Variants in PAX2 observed in about 807,000 individuals in gnomAD.
The protein encoded by PAX2 is paired box 2, also known as paired box protein Pax-2.
In PAX2, 9 loss-of-function variants were observed where a neutral mutation model predicts 41.7. That is an observed-to-expected ratio of 0.22 (90% CI 0.13 to 0.38). The LOEUF is 0.38. Ranked by LOEUF, PAX2 falls within the 10% of genes least tolerant of loss-of-function variation. PAX2 has a pLI of 1.00. For synonymous variants in PAX2, 221 were observed against 212.7 expected (o/e 1.04, Z -0.34); for missense variants, 418 against 531.6 (o/e 0.79, Z 2.10).
In PAX2 at chr10:100,748,746, T is replaced by C. The variant is rs1186021200; in HGVS notation, c.44-1000T>C. On this transcript the variant is annotated intron_variant, in intron 1 of 9. Coordinates refer to ENST00000355243, the MANE Select transcript of PAX2 (RefSeq NM_000278.5). This position sits in a 1 kb window ranked among gnomAD's most constrained non-coding sequence, Gnocchi z 5.0. ...GGGTTGGAAACCCCGTGCCCTTCTC[T>C]TGGCCGAAAGAGCAAAAGCCCGAGC... 3 of 985,288 alleles carry C rather than the reference T, an allele frequency of 3.0e-6. No homozygotes were observed. Among genetic ancestry groups the C allele is most frequent in the East Asian group, 2.3e-4 (2 of 8,822 alleles). 61.0% of individuals were successfully genotyped at this position (985,288 alleles called of 1,614,324 possible).
chr10:100,779,440 A>T (rs1351522117), intron 3 of PAX2, 58 bp from the exon 4 acceptor site: 12 of 1,413,942 alleles, frequency 8.5e-6, no homozygotes, highest in Non-Finnish European at 1.2e-5. Context: ...GCTGGGCTGG[A>T]ATTGGCCGGG....
chr10:100,773,319 T>G (rs984579705), intron 3 of PAX2, among the ~76,000 whole-genome samples: 12 of 152,148 alleles, frequency 7.9e-5, no homozygotes, highest in African/African-American at 2.9e-4. Context: ...GAAGCATTGC[T>G]CCTAGAAAGC....
At position 100,827,843 on chromosome 10, in the gene PAX2, G is replaced by A. The variant is rs71496530; in HGVS notation, c.*224G>A. On this transcript the variant is annotated 3_prime_UTR_variant, in exon 10 of 10. Coordinates refer to ENST00000355243, the MANE Select transcript of PAX2 (RefSeq NM_000278.5). This position sits in a 1 kb window ranked among gnomAD's most constrained non-coding sequence, Gnocchi z 8.5. ...GGGCGGGACCCTCAGGCCCGGGCCC[G>A]CCGCCCCCAGCCCCGCCTGCCGCCC... The A allele has an allele frequency of 0.2, 122,894 of 616,876 alleles. 13,751 individuals carry two copies. The highest frequency in any genetic ancestry group is 0.31 in the Middle Eastern group (697 of 2,234). The allele number at this position is 616,876 out of a possible 1,614,324, so 38.2% of individuals were successfully genotyped here.
Position 100,806,722 on chromosome 10 carries a change from G to A in PAX2, c.792+117G>A, listed in dbSNP as rs1027960599. On this transcript the variant is annotated intron_variant, in intron 6 of 9. Coordinates refer to ENST00000355243, the MANE Select transcript of PAX2 (RefSeq NM_000278.5). Reference sequence around the variant, plus strand: ...CCAGCATTGTATGTGTTACACACGTGTGTTCTGTGTGTGTGCAGTGTGAAC... The same window carrying A: ...CCAGCATTGTATGTGTTACACACGTATGTTCTGTGTGTGTGCAGTGTGAAC... 4 of 875,906 alleles carry A rather than the reference G, an allele frequency of 4.6e-6. No individual in the cohort carries two copies. The African/African-American group carries it at 6.5e-5, about 14-fold the overall frequency. The allele number at this position is 875,906 out of a possible 1,614,324, so 54.3% of individuals were successfully genotyped here. A position where few individuals can be genotyped will look rare whatever the true frequency, so the allele number is the denominator to read the frequency against.
chr10:100,802,778 G>A (rs941690007), intron 5 of PAX2, among the ~76,000 whole-genome samples: 1 of 152,130 alleles, frequency 6.6e-6, no homozygotes, highest in African/African-American at 2.4e-5. Flanking sequence ...GATCTTCTTT[G>A]AAATGGATGG....
intron 1 of PAX2, chr10:100,747,465 GA>G (rs1845231976): frequency 4.4e-6 from 1 of 227,850 alleles, no homozygotes; most frequent in Non-Finnish European, 7.1e-6. Flanking sequence ...ACTATTCTGA[GA>G]TTTTTTTTGC....
chr10:100,824,216 G>A lies in PAX2; in HGVS notation c.920-432G>A, dbSNP rs140694379. 1.3e-5 allele frequency among the ~76,000 whole-genome samples: 2 copies of A among 152,186 alleles called. No individual in the cohort carries two copies. Among genetic ancestry groups the A allele is most frequent in the Non-Finnish European group, 2.9e-5 (2 of 68,004 alleles). On this transcript the variant is annotated intron_variant, in intron 7 of 9. Coordinates refer to ENST00000355243, the MANE Select transcript of PAX2 (RefSeq NM_000278.5). The surrounding 1 kb of genome is among the most constrained non-coding windows in gnomAD (Gnocchi z 6.6). ...GGGGTGTTAGGGAGAGGAAAGATAA[G>A]CAAGATGATAGAGGTCCATTTGGCT...
At chr10:100,783,078 G>C (rs1485341906) in intron 5 of PAX2, among the ~76,000 whole-genome samples, 1 of 152,248 alleles carries the variant, frequency 6.6e-6, no homozygotes. Flanking sequence ...GGGCAAGAAA[G>C]GCTGGGGGTA....
chr10:100,783,190 A>G (rs1846703613), intron 5 of PAX2, among the ~76,000 whole-genome samples: 1 of 152,218 alleles, frequency 6.6e-6, no homozygotes, highest in South Asian at 2.1e-4. Context: ...GTTTCTAATC[A>G]ATTCAGTTCA....
At chr10:100,771,598 C>T (rs1164909490) in intron 3 of PAX2, among the ~76,000 whole-genome samples, 1 of 152,094 alleles carries the variant, frequency 6.6e-6, no homozygotes, top group East Asian at 1.9e-4. Flanking sequence ...GGAGTAGGGA[C>T]CATTTCCAGG....
chr10:100,757,731 G>C (rs1450268512), intron 3 of PAX2, among the ~76,000 whole-genome samples: 2 of 152,250 alleles, frequency 1.3e-5, no homozygotes, highest in Non-Finnish European at 2.9e-5. Flanking sequence ...GCATAGGGAA[G>C]AGGCTTACTG....
chr10:100,808,298 G>A (rs1327361653), intron 6 of PAX2, among the ~76,000 whole-genome samples: 2 of 152,138 alleles, frequency 1.3e-5, no homozygotes, highest in East Asian at 1.9e-4. Flanking sequence ...TGGAAATGAC[G>A]AGGCAATCCC....
chr10:100,778,837 A>G (rs1260587101), intron 3 of PAX2, among the ~76,000 whole-genome samples: 1 of 152,182 alleles, frequency 6.6e-6, no homozygotes, highest in Non-Finnish European at 1.5e-5. Flanking sequence ...CCAGCCAGCC[A>G]TATAGGAACA....
chr10:100,789,392 G>C (rs961518506), intron 5 of PAX2, among the ~76,000 whole-genome samples: 1 of 152,158 alleles, frequency 6.6e-6, no homozygotes, highest in African/African-American at 2.4e-5. Flanking sequence ...AGGCATGAGC[G>C]ACTGTGCCCA....
chr10:100,817,094 G>A (rs1165560464), intron 7 of PAX2, among the ~76,000 whole-genome samples: 1 of 152,154 alleles, frequency 6.6e-6, no homozygotes, highest in African/African-American at 2.4e-5. Context: ...CTCATGCTCT[G>A]AGCCCATCTT....
At position 100,752,761 on chromosome 10, in the gene PAX2, C is replaced by G. The variant is rs370874822; in HGVS notation, c.410+1870C>G. Among the ~76,000 whole-genome samples the G allele has an allele frequency of 7.9e-5, 12 of 152,082 alleles. No individual in the cohort carries two copies. The East Asian group carries it at 1.7e-3, about 22-fold the overall frequency. ...CAGGTGTGGTGGCCCCGTCCAACAC[C>G]CCCTGCCCCTCCCCTCAACAACATG... On this transcript the variant is annotated intron_variant, in intron 3 of 9. Transcript: ENST00000355243.
At chr10:100,802,238 C>A (rs1466344180) in intron 5 of PAX2, among the ~76,000 whole-genome samples, 3 of 152,182 alleles carry the variant, frequency 2.0e-5, no homozygotes, top group African/African-American at 7.2e-5. Context: ...CCTGAAAGCC[C>A]AGGACACATG....
At chr10:100,792,732 C>G (rs1420568779) in intron 5 of PAX2, among the ~76,000 whole-genome samples, 1 of 151,800 alleles carries the variant, frequency 6.6e-6, no homozygotes, top group African/African-American at 2.4e-5. Context: ...CCTCCCCCTC[C>G]CTCCCCTCTT....
In PAX2 at chr10:100,779,397, G is replaced by A. The variant is rs182764507; in HGVS notation, c.411-101G>A. The A allele has an allele frequency of 1.4e-4, 136 of 975,526 alleles. 2 individuals are homozygous for A. In the Admixed American group the frequency reaches 1.9e-3, roughly 14 times the overall value. 60.4% of individuals were successfully genotyped at this position (975,526 alleles called of 1,614,324 possible). A position where few individuals can be genotyped will look rare whatever the true frequency, so the allele number is the denominator to read the frequency against. ...CAGGGAGCAGATGGATGAGGAAATC[G>A]CTGAGGAACTTGGGAGAGAGCCCCT... On this transcript the variant is annotated intron_variant, in intron 3 of 9. Transcript: ENST00000355243.
Sources: gnomAD v4.1 joint callset for allele counts (sites outside exome capture counted in the v4.1 genomes callset) on GRCh38, gnomAD v4.1.1 for gene constraint, Gnocchi (gnomAD v3.1) non-coding constraint, MANE v1.5 for transcripts, NCBI Gene and HGNC (gene_info 2026-07-23, HGNC 2026-07-21) for gene names.